Variants in HAUS4 observed in about 807,000 individuals in gnomAD.
The protein encoded by HAUS4 is HAUS augmin like complex subunit 4, also known as HAUS augmin-like complex subunit 4.
HAUS4 carries 34 observed loss-of-function variants against 50.6 expected under a neutral mutation model. The ratio of observed to expected loss-of-function variants is 0.67; its 90% CI spans 0.51 to 0.90. The LOEUF (loss-of-function observed/expected upper bound fraction) is 0.90. Ranked by LOEUF, HAUS4 falls within the 40% of genes least tolerant of loss-of-function variation. HAUS4 has a pLI of 0.00. For missense variants in HAUS4, 370 were observed against 428.7 expected (o/e 0.86, Z 1.21); for synonymous variants, 149 against 161.4 (o/e 0.92, Z 0.58).
chr14:22,951,481 C>CA (rs750606686), intron 5 of HAUS4, 74 bp downstream of exon 5: 198 of 1,526,758 alleles, frequency 1.3e-4, no homozygotes, highest in African/African-American at 3.7e-4. Flanking sequence ...TAAAGCTTGA[C>CA]AAAAAAAACA....
intron 2 of HAUS4, chr14:22,954,226 T>C (rs1028834158): frequency 6.6e-6 from 1 of 152,230 alleles, no homozygotes; most frequent in Non-Finnish European, 1.5e-5. Flanking sequence ...ATGCTCTCTG[T>C]TGGGGTCTTT....
Position 22,947,940 on chromosome 14 carries a change from C to G in HAUS4, c.636G>C (p.Gln212His). 1 of 1,614,046 alleles carries G rather than the reference C, an allele frequency of 6.2e-7. No individual in the cohort carries two copies. The highest frequency in any genetic ancestry group is 8.5e-7 in the Non-Finnish European group (1 of 1,179,938). The change falls in exon 7 of 10, where the codon CAG becomes CAC. Residue 212 changes from glutamine (Q) to histidine (H), a missense_variant. Transcript: ENST00000541587. ...LAEVLVGEQQ[Q>H]CQDAKSQQKE... The stretch of plus-strand genomic sequence containing the variant: ...TCTGCTGGCTCTTGGCATCCTGGCA[C>G]TGCTGCTGCTCACCCACCAGGACCT...
Position 22,955,189 on chromosome 14 carries a change from G to A in HAUS4, c.-22-13C>T, listed in dbSNP as rs1483625813. On this transcript the variant is annotated splice_polypyrimidine_tract_variant and intron_variant, in intron 1 of 9. Coordinates refer to ENST00000541587, the MANE Select transcript of HAUS4 (RefSeq NM_001166269.2). ...TTGGGATTCTAATCTGTGGAACCAAGAAGTGAAAGAAAACAAAAAGATGAA... is the reference window on the plus strand; with the variant it reads ...TTGGGATTCTAATCTGTGGAACCAAAAAGTGAAAGAAAACAAAAAGATGAA... 1.3e-6 allele frequency: 2 copies of A among 1,510,058 alleles called. No individual in the cohort carries two copies. The highest frequency in any genetic ancestry group is 1.7e-5 in the Admixed American group (1 of 59,896). 93.5% of individuals were successfully genotyped at this position (1,510,058 alleles called of 1,614,324 possible).
chr14:22,950,240 A>G, intron 6 of HAUS4, 74 bp downstream of exon 6: 1 of 740,428 alleles, frequency 1.4e-6, no homozygotes, highest in Non-Finnish European at 2.3e-6. Flanking sequence ...TAAAATCAAA[A>G]TATATTATTC....
chr14:22,955,109 G>A lies in HAUS4; in HGVS notation c.46C>T (p.Leu16Phe). Reference sequence around the variant, plus strand: ...AAGTGGCTACTCTTACCTTGTTGAAGTATTTCCATCCCTTCTCCAGGTGAG... The same window carrying A: ...AAGTGGCTACTCTTACCTTGTTGAAATATTTCCATCCCTTCTCCAGGTGAG... ...FCSPGEGMEI[L>F]QQVCSKQLPP... The change falls in exon 2 of 10, where the codon CTT (leucine) becomes TTT (phenylalanine). Residue 16 changes from leucine (L) to phenylalanine (F), a missense_variant. By Grantham distance (22) the Leu-to-Phe change is conservative. Transcript: ENST00000541587. The A allele has an allele frequency of 6.2e-7, 1 of 1,609,782 alleles. No homozygotes were observed. The highest frequency in any genetic ancestry group is 1.1e-5 in the South Asian group (1 of 91,008).
At position 22,951,712 on chromosome 14, in the gene HAUS4, C is replaced by G. The variant is rs776131416; in HGVS notation, c.331-23G>C. The stretch of plus-strand genomic sequence containing the variant: ...AAACTGAGAGAGAGAGAATAAAAAA[C>G]AAAAAGAGGCAACTATAAAACTTCT... On this transcript the variant is annotated intron_variant, in intron 4 of 9. Transcript: ENST00000541587. The G allele has an allele frequency of 4.4e-6, 7 of 1,574,766 alleles. No individual in the cohort carries two copies. The South Asian group carries it at 8.2e-5, about 18-fold the overall frequency.
chr14:22,951,691 TGAGA>T lies in HAUS4; in HGVS notation c.331-6_331-3del, dbSNP rs769618593. On this transcript the variant is annotated splice_polypyrimidine_tract_variant and splice_region_variant and intron_variant, in intron 4 of 9. Coordinates refer to ENST00000541587, the MANE Select transcript of HAUS4 (RefSeq NM_001166269.2). ...CCGCTGTTCAAGGGTCTCATGAAAC[TGAGA>T]GAGAGAGAATAAAAAACAAAAAGAG... 3 of 1,588,422 alleles carry T rather than the reference TGAGA, an allele frequency of 1.9e-6. No individual in the cohort carries two copies. The highest frequency in any genetic ancestry group is 2.6e-6 in the Non-Finnish European group (3 of 1,168,816).
At position 22,948,031 on chromosome 14, in the gene HAUS4, GGACT is replaced by G; in HGVS notation, c.563-22_563-19del. On this transcript the variant is annotated intron_variant, in intron 6 of 9. Transcript: ENST00000541587. ...GTCAGCATCTGAGCAAAGGGGCAGA[GGACT>G]GACAGGAAAACCCTAATCGCTACAA... 6.3e-7 allele frequency: 1 copy of G among 1,589,232 alleles called. No individual in the cohort carries two copies. Among genetic ancestry groups the G allele is most frequent in the Non-Finnish European group, 8.6e-7 (1 of 1,167,858 alleles).
At position 22,952,614 on chromosome 14, in the gene HAUS4, T is replaced by G; in HGVS notation, c.125A>C (p.Lys42Thr). 6.2e-7 allele frequency: 1 copy of G among 1,613,914 alleles called. No individual in the cohort carries two copies. Among genetic ancestry groups the G allele is most frequent in the South Asian group, 1.1e-5 (1 of 91,046 alleles). ...ATGCTGTGAGAGATTCAGGAGAAGCTTGCTGAAGTATGGGTTCTGTAACAG... is the reference window on the plus strand; with the variant it reads ...ATGCTGTGAGAGATTCAGGAGAAGCGTGCTGAAGTATGGGTTCTGTAACAG... Reference protein sequence around the residue: ...EDLLQNPYFSKLLLNLSQHVD... With the variant: ...EDLLQNPYFSTLLLNLSQHVD... Residue 42 changes from lysine to threonine, a missense_variant, in exon 3 of 10, where the codon AAG becomes ACG. Lys to Thr is a moderately conservative substitution (Grantham distance 78). Transcript: ENST00000541587.
rs111825327 is a variant in HAUS4, at chr14:22,946,260, T to C, written c.*265A>G. 308 of 306,234 alleles carry C rather than the reference T, an allele frequency of 1.0e-3. 1 individual carries two copies. Among genetic ancestry groups the C allele is most frequent in the African/African-American group, 5.8e-3 (272 of 46,804 alleles). 19.0% of individuals were successfully genotyped at this position (306,234 alleles called of 1,614,324 possible). A position where few individuals can be genotyped will look rare whatever the true frequency, so the allele number is the denominator to read the frequency against. ...TAATATCATAACTTTATTCAGGAGA[T>C]AATCAAATACAATACAGGGCTGACA... On this transcript the variant is annotated 3_prime_UTR_variant, in exon 10 of 10. Coordinates refer to ENST00000541587, the MANE Select transcript of HAUS4 (RefSeq NM_001166269.2).
intron 5 of HAUS4, 131 bp downstream of exon 5, chr14:22,951,424 T>C: frequency 1.0e-6 from 1 of 988,448 alleles, no homozygotes; most frequent in Non-Finnish European, 1.5e-6. Flanking sequence ...ACGTTTTTCT[T>C]ATTTGAGTCT....
intron 6 of HAUS4, among the ~76,000 whole-genome samples, chr14:22,948,613 G>A (rs1246596870): frequency 1.3e-5 from 2 of 151,530 alleles, no homozygotes; most frequent in African/African-American, 2.4e-5. Context: ...TCAGCTCACT[G>A]CAACCTCCAC....
intron 6 of HAUS4, chr14:22,948,230 C>T (rs1397808122): frequency 3.8e-6 from 2 of 529,500 alleles, no homozygotes; most frequent in Admixed American, 3.7e-5. Flanking sequence ...AGGAGGATTG[C>T]TTGAGCCCAA....
chr14:22,951,219 G>A (rs1482279484), intron 5 of HAUS4, among the ~76,000 whole-genome samples: 1 of 150,964 alleles, frequency 6.6e-6, no homozygotes, highest in Non-Finnish European at 1.5e-5. Context: ...TGCCCAGGCT[G>A]GTCTTGAACT....
intron 6 of HAUS4, 72 bp downstream of exon 6, chr14:22,950,242 A>G (rs1314026187): frequency 1.6e-5 from 12 of 761,386 alleles, no homozygotes; most frequent in South Asian, 1.4e-4. Context: ...AAATCAAAAT[A>G]TATTATTCTC....
intron 5 of HAUS4, among the ~76,000 whole-genome samples, chr14:22,950,823 G>C (rs2044739195): frequency 6.6e-6 from 1 of 152,124 alleles, no homozygotes; most frequent in South Asian, 2.1e-4. Flanking sequence ...CCACCAATAA[G>C]GTTAAGCAAA....
chr14:22,950,376 T>A lies in HAUS4; in HGVS notation c.500A>T (p.Glu167Val). 1 of 1,613,184 alleles carries A rather than the reference T, an allele frequency of 6.2e-7. No individual in the cohort carries two copies. Among genetic ancestry groups the A allele is most frequent in the Non-Finnish European group, 8.5e-7 (1 of 1,179,156 alleles). The change falls in exon 6 of 10, where the codon GAA (glutamate) becomes GTA (valine). Residue 167 changes from glutamate to valine, a missense_variant. Glu to Val is a moderately radical substitution (Grantham distance 121, BLOSUM62 -2). Coordinates refer to ENST00000541587, the MANE Select transcript of HAUS4 (RefSeq NM_001166269.2). ...FVWMRARLQQ[E>V]VEEQLKKKCF... Reference sequence around the variant, plus strand: ...TTTCTTTTTGAGCTGCTCCTCTACTTCTTGCTGTAGCCGAGCCCTCATCCA... The same window carrying A: ...TTTCTTTTTGAGCTGCTCCTCTACTACTTGCTGTAGCCGAGCCCTCATCCA...
intron 4 of HAUS4, among the ~76,000 whole-genome samples, 171 bp from the exon 5 acceptor site, chr14:22,951,860 C>T (rs988318931): frequency 1.3e-5 from 2 of 152,192 alleles, no homozygotes; most frequent in Non-Finnish European, 2.9e-5. Flanking sequence ...CTATTACAAA[C>T]TCTGATAACA....
chr14:22,947,037 G>C, intron 9 of HAUS4, 134 bp downstream of exon 9: 1 of 681,172 alleles, frequency 1.5e-6, no homozygotes, highest in Non-Finnish European at 2.7e-6. Context: ...GCCCACCTCG[G>C]CCTCCCAAAG....
Sources: allele counts gnomAD v4.1 joint callset (sites outside exome capture counted in the v4.1 genomes callset), GRCh38; gene constraint gnomAD v4.1.1; transcripts MANE v1.5; gene names NCBI Gene and HGNC (gene_info 2026-07-23, HGNC 2026-07-21).